Variants in EPHA6 observed in about 807,000 individuals in gnomAD.
EPHA6 encodes the protein EPH receptor A6.
A neutral mutation model predicts 112.0 loss-of-function variants in EPHA6; 50 were observed. The observed-to-expected ratio is 0.45, with a 90% CI of 0.36 to 0.56. The LOEUF (loss-of-function observed/expected upper bound fraction) is 0.56, where lower values mean the gene tolerates loss of function less well. Among genes scored for constraint, EPHA6 ranks in the 20% least tolerant of loss-of-function variants. The pLI, the probability that EPHA6 is intolerant of heterozygous loss-of-function variation, is 0.00. For synonymous variants in EPHA6, 529 were observed against 490.7 expected (o/e 1.08, Z -1.03); for missense variants, 1,280 against 1,417.4 (o/e 0.90, Z 1.56).
chr3:97,172,766 A>G (rs1020584610), intron 3 of EPHA6, among the ~76,000 whole-genome samples: 2 of 151,996 alleles, frequency 1.3e-5, no homozygotes, highest in African/African-American at 2.4e-5. Context: ...GTTGTATTCT[A>G]TCAGTATCTC....
chr3:97,093,820 A>C (rs1467896617), intron 3 of EPHA6, among the ~76,000 whole-genome samples: 1 of 152,144 alleles, frequency 6.6e-6, no homozygotes, highest in African/African-American at 2.4e-5. Flanking sequence ...ATAAAATTAC[A>C]GCTATTTATG....
intron 10 of EPHA6, among the ~76,000 whole-genome samples, chr3:97,518,151 T>A (rs1016312965): frequency 2.6e-5 from 4 of 152,266 alleles, no homozygotes; most frequent in South Asian, 4.1e-4. Context: ...CTATTTATCT[T>A]GAGGAACCTC....
At chr3:97,543,401 C>T (rs2092896217) in intron 11 of EPHA6, among the ~76,000 whole-genome samples, 2 of 152,104 alleles carry the variant, frequency 1.3e-5, no homozygotes, top group East Asian at 3.9e-4. Flanking sequence ...GATCAGATAG[C>T]TGTAGATATG....
intron 2 of EPHA6, among the ~76,000 whole-genome samples, chr3:96,876,555 C>T (rs1157347434): frequency 6.6e-6 from 1 of 151,954 alleles, no homozygotes; most frequent in Admixed American, 6.6e-5. Flanking sequence ...CATGTCACTA[C>T]TCTACTAAAC....
At chr3:97,326,442 A>G (rs1488275118) in intron 5 of EPHA6, among the ~76,000 whole-genome samples, 1 of 151,922 alleles carries the variant, frequency 6.6e-6, no homozygotes, top group African/African-American at 2.4e-5. Flanking sequence ...CTAGCTTAGT[A>G]GTGATTAAGC....
intron 5 of EPHA6, among the ~76,000 whole-genome samples, chr3:97,342,763 G>C (rs2083373374): frequency 6.6e-6 from 1 of 152,018 alleles, no homozygotes. Flanking sequence ...AAAATAAGAA[G>C]ACAGTTGCCT....
In EPHA6 at chr3:96,943,579, T is replaced by C. The variant is rs566003269; in HGVS notation, c.451-43751T>C. On this transcript the variant is annotated intron_variant, in intron 2 of 17. Coordinates refer to ENST00000389672, the MANE Select transcript of EPHA6 (RefSeq NM_001080448.3). ...TGCACATAATGATTACAAGTGCAAA[T>C]GATGTATTTAAAAACATAAGCAGTT... is the stretch of plus-strand genomic sequence containing the variant. Among the ~76,000 whole-genome samples the C allele has an allele frequency of 3.0e-4, 45 of 152,328 alleles. 1 individual carries two copies. The South Asian group carries it at 8.7e-3, about 29-fold the overall frequency.
In EPHA6 at chr3:97,014,806, A is replaced by G. The variant is rs116096857; in HGVS notation, c.1114+26813A>G. 5.5e-3 allele frequency among the ~76,000 whole-genome samples: 842 copies of G among 152,290 alleles called. 8 individuals are homozygous for G. Among genetic ancestry groups the G allele is most frequent in the African/African-American group, 0.02 (820 of 41,574 alleles). ...AAAGGATCAGAAATTCTTTTTTGAG[A>G]TAATTTTCCTTAACATAACAATGCA... On this transcript the variant is annotated intron_variant, in intron 3 of 17. Coordinates refer to ENST00000389672, the MANE Select transcript of EPHA6 (RefSeq NM_001080448.3).
chr3:97,315,588 A>G (rs533994238), intron 5 of EPHA6, among the ~76,000 whole-genome samples: 2 of 151,874 alleles, frequency 1.3e-5, no homozygotes, highest in East Asian at 3.9e-4. Context: ...GATATAATTT[A>G]GCAAACTTTC....
intron 2 of EPHA6, among the ~76,000 whole-genome samples, chr3:96,880,130 A>G (rs2037223655): frequency 6.6e-6 from 1 of 152,070 alleles, no homozygotes; most frequent in Non-Finnish European, 1.5e-5. Flanking sequence ...AATAACTATA[A>G]GAGAGAATTT....
chr3:96,868,857 T>A (rs944380198), intron 2 of EPHA6, among the ~76,000 whole-genome samples: 2 of 152,054 alleles, frequency 1.3e-5, no homozygotes, highest in Non-Finnish European at 2.9e-5. Context: ...TTTTTCTTTT[T>A]ACTTAAATTC....
intron 4 of EPHA6, among the ~76,000 whole-genome samples, chr3:97,239,978 A>T (rs1463242629): frequency 2.0e-5 from 3 of 151,882 alleles, no homozygotes; most frequent in Non-Finnish European, 4.4e-5. Flanking sequence ...AATGGACTGC[A>T]TAACCTTAAT....
chr3:97,111,638 A>G (rs1490990759), intron 3 of EPHA6, among the ~76,000 whole-genome samples: 1 of 152,118 alleles, frequency 6.6e-6, no homozygotes, highest in East Asian at 1.9e-4. Context: ...ATATTATTGT[A>G]ACATATTTTC....
At chr3:97,360,851 G>A (rs903175196) in intron 5 of EPHA6, among the ~76,000 whole-genome samples, 11 of 152,138 alleles carry the variant, frequency 7.2e-5, no homozygotes, top group Non-Finnish European at 1.0e-4. Flanking sequence ...TATTTTGCTT[G>A]TCAACTTTTA....
At chr3:97,069,730 T>C (rs926448438) in intron 3 of EPHA6, among the ~76,000 whole-genome samples, 5 of 152,122 alleles carry the variant, frequency 3.3e-5, no homozygotes, top group African/African-American at 1.2e-4. Context: ...AAATACAGTA[T>C]CAAAAATGTT....
intron 2 of EPHA6, among the ~76,000 whole-genome samples, chr3:96,905,993 C>G (rs2038914609): frequency 6.6e-6 from 1 of 152,042 alleles, no homozygotes. Flanking sequence ...AATCTCAAAA[C>G]TATGGCAACA....
intron 3 of EPHA6, among the ~76,000 whole-genome samples, chr3:97,048,204 G>A (rs2045574668): frequency 6.6e-6 from 1 of 152,172 alleles, no homozygotes; most frequent in Non-Finnish European, 1.5e-5. Flanking sequence ...ATCAAATCAT[G>A]CTAAGGCTGA....
intron 1 of EPHA6, among the ~76,000 whole-genome samples, chr3:96,831,873 C>G (rs1374282457): frequency 1.3e-5 from 2 of 151,942 alleles, no homozygotes; most frequent in African/African-American, 4.8e-5. Flanking sequence ...AGTGCAACAC[C>G]TGGAATGTAG....
At chr3:96,937,800 G>A (rs1248628385) in intron 2 of EPHA6, among the ~76,000 whole-genome samples, 36 of 149,022 alleles carry the variant, frequency 2.4e-4, no homozygotes, top group African/African-American at 8.6e-4. Flanking sequence ...TGTAAGGAAG[G>A]GATCCAGTTT....
Sources: gnomAD v4.1 joint callset for allele counts (sites outside exome capture counted in the v4.1 genomes callset) on GRCh38, gnomAD v4.1.1 for gene constraint, MANE v1.5 for transcripts, NCBI Gene and HGNC (gene_info 2026-07-23, HGNC 2026-07-21) for gene names.